Variants in CACNA2D3 observed in about 807,000 individuals in gnomAD.
CACNA2D3 encodes voltage-dependent calcium channel subunit alpha-2/delta-3.
In CACNA2D3, 60 loss-of-function variants were observed where a neutral mutation model predicts 160.6. That is an observed-to-expected ratio of 0.37 (90% CI 0.30 to 0.46). The LOEUF (loss-of-function observed/expected upper bound fraction) is 0.46. Among genes scored for constraint, CACNA2D3 ranks in the 20% least tolerant of loss-of-function variants. The pLI is 1.00. For synonymous variants in CACNA2D3, 558 were observed against 492.9 expected (o/e 1.13, Z -1.75); for missense variants, 1,205 against 1,365.0 (o/e 0.88, Z 1.85).
chr3:54,780,054 C>G (rs1325087366), intron 13 of CACNA2D3, among the ~76,000 whole-genome samples: 1 of 152,138 alleles, frequency 6.6e-6, no homozygotes, highest in African/African-American at 2.4e-5. Context: ...GTTTGTTTCT[C>G]CCTGTCTGTA....
chr3:54,503,427 G>C (rs1277901263), intron 4 of CACNA2D3, 65 bp from the exon 5 acceptor site: 1 of 1,466,120 alleles, frequency 6.8e-7, no homozygotes, highest in East Asian at 2.3e-5. Context: ...CTGTGCCCAG[G>C]TCTAAGTGAG....
At chr3:54,524,614 C>T (rs1349038097) in intron 5 of CACNA2D3, among the ~76,000 whole-genome samples, 1 of 151,938 alleles carries the variant, frequency 6.6e-6, no homozygotes, top group African/African-American at 2.4e-5. Context: ...GTTTAATTGT[C>T]TATTTCTTTT....
intron 11 of CACNA2D3, among the ~76,000 whole-genome samples, chr3:54,717,610 GGTGTGTGTA>G (rs1020125649): frequency 2.2e-5 from 3 of 138,964 alleles, no homozygotes; most frequent in Non-Finnish European, 3.1e-5. Flanking sequence ...TCGTGTGTGT[GGTGTGTGTA>G]GTGTGCATGT....
At chr3:54,880,184 T>G (rs1699760407) in intron 20 of CACNA2D3, among the ~76,000 whole-genome samples, 1 of 152,174 alleles carries the variant, frequency 6.6e-6, no homozygotes, top group Admixed American at 6.5e-5. Context: ...AGCTGCTAAG[T>G]GGGTTTGCCA....
At chr3:54,648,194 G>A (rs1299035061) in intron 11 of CACNA2D3, among the ~76,000 whole-genome samples, 1 of 152,206 alleles carries the variant, frequency 6.6e-6, no homozygotes, top group Non-Finnish European at 1.5e-5. Flanking sequence ...CTGGCCCATT[G>A]CCTGCTTTTG....
chr3:54,461,118 G>A (rs1700495956), intron 4 of CACNA2D3, among the ~76,000 whole-genome samples: 1 of 152,120 alleles, frequency 6.6e-6, no homozygotes, highest in Non-Finnish European at 1.5e-5. Context: ...GCATCCCAGG[G>A]ATGAAGCCCA....
intron 2 of CACNA2D3, among the ~76,000 whole-genome samples, chr3:54,172,791 A>G (rs1700602651): frequency 6.6e-6 from 1 of 152,222 alleles, no homozygotes; most frequent in South Asian, 2.1e-4. Context: ...AGGTACATCT[A>G]TTGATCATAT....
chr3:54,261,947 C>T (rs925661516), intron 2 of CACNA2D3, among the ~76,000 whole-genome samples: 7 of 152,178 alleles, frequency 4.6e-5, no homozygotes, highest in Admixed American at 4.6e-4. Flanking sequence ...ATGTCCCATC[C>T]TAATAAGCCA....
At chr3:54,484,887 C>G (rs977142115) in intron 4 of CACNA2D3, among the ~76,000 whole-genome samples, 3 of 148,600 alleles carry the variant, frequency 2.0e-5, no homozygotes, top group African/African-American at 7.5e-5. Context: ...TACTCTGTTG[C>G]CTGGGCTGGA....
At chr3:54,889,828 T>G (rs978654069) in intron 24 of CACNA2D3, among the ~76,000 whole-genome samples, 15 of 152,188 alleles carry the variant, frequency 9.9e-5, no homozygotes, top group Non-Finnish European at 2.2e-4. Context: ...TAGTAAACCT[T>G]GTAGTGTTTC....
chr3:54,826,802 G>C (rs1367131806), intron 14 of CACNA2D3, among the ~76,000 whole-genome samples: 1 of 151,108 alleles, frequency 6.6e-6, no homozygotes, highest in Non-Finnish European at 1.5e-5. Context: ...ATTTGATCAT[G>C]GGATAAAGGA....
chr3:54,187,826 G>A (rs1044831379), intron 2 of CACNA2D3, among the ~76,000 whole-genome samples: 3 of 152,242 alleles, frequency 2.0e-5, no homozygotes, highest in Non-Finnish European at 2.9e-5. Flanking sequence ...TAATGCCACC[G>A]CTGCCACTGA....
chr3:54,922,918 T>C (rs182223610), intron 27 of CACNA2D3, among the ~76,000 whole-genome samples: 26 of 152,270 alleles, frequency 1.7e-4, no homozygotes, highest in African/African-American at 6.0e-4. Flanking sequence ...CCCATAATTA[T>C]GGTCTTCTCT....
intron 27 of CACNA2D3, among the ~76,000 whole-genome samples, chr3:54,922,847 G>A (rs1051296656): frequency 6.6e-6 from 1 of 151,980 alleles, no homozygotes; most frequent in African/African-American, 2.4e-5. Flanking sequence ...TTTGCCCCTT[G>A]TCAGCTGAAG....
intron 13 of CACNA2D3, among the ~76,000 whole-genome samples, chr3:54,807,685 C>G (rs1370437693): frequency 1.3e-5 from 2 of 151,758 alleles, no homozygotes; most frequent in African/African-American, 4.9e-5. Flanking sequence ...TACCATTTGA[C>G]CCAGCCATCC....
At chr3:54,255,461 G>T (rs1340464039) in intron 2 of CACNA2D3, among the ~76,000 whole-genome samples, 2 of 152,136 alleles carry the variant, frequency 1.3e-5, no homozygotes, top group Admixed American at 6.5e-5. Flanking sequence ...TTGAAGTAAG[G>T]TCCCAATTAC....
At chr3:54,694,260 G>A (rs1700621341) in intron 11 of CACNA2D3, among the ~76,000 whole-genome samples, 1 of 152,180 alleles carries the variant, frequency 6.6e-6, no homozygotes, top group African/African-American at 2.4e-5. Flanking sequence ...GTCACATGCT[G>A]TACAGGTTTG....
intron 35 of CACNA2D3, among the ~76,000 whole-genome samples, chr3:55,068,689 A>T (rs1704726134): frequency 6.6e-6 from 1 of 152,016 alleles, no homozygotes; most frequent in Non-Finnish European, 1.5e-5. Context: ...GATCCTCTTC[A>T]CCCTGTCACC....
intron 29 of CACNA2D3, among the ~76,000 whole-genome samples, chr3:54,983,315 A>G (rs920400542): frequency 1.3e-5 from 2 of 152,230 alleles, no homozygotes; most frequent in African/African-American, 4.8e-5. Context: ...AATTTTAATT[A>G]AGTTGAAATT....
Sources: allele counts gnomAD v4.1 joint callset (sites outside exome capture counted in the v4.1 genomes callset), GRCh38; gene constraint gnomAD v4.1.1; transcripts MANE v1.5; gene names NCBI Gene and HGNC (gene_info 2026-07-23, HGNC 2026-07-21).